The following EXD3 variants were observed in gnomAD, a reference collection of about 807,000 sequenced individuals.
The protein encoded by EXD3 is exonuclease mut-7 homolog.
A neutral mutation model predicts 98.0 loss-of-function variants in EXD3; 92 were observed. The ratio of observed to expected loss-of-function variants is 0.94; its 90% CI spans 0.79 to 1.12. The LOEUF (loss-of-function observed/expected upper bound fraction) is 1.12. Among genes scored for constraint, EXD3 ranks in the 50% most tolerant of loss-of-function variants. The pLI, the probability that EXD3 is intolerant of heterozygous loss-of-function variation, is 0.00. For missense variants in EXD3, 1,222 were observed against 1,191.6 expected, an observed-to-expected ratio of 1.03 and a Z score of -0.38; for synonymous variants, 569 against 526.0, an observed-to-expected ratio of 1.08 and a Z score of -1.12.
chr9:137,333,392 G>A (rs373589371), intron 17 of EXD3, among the ~76,000 whole-genome samples: 6 of 152,108 alleles, frequency 3.9e-5, no homozygotes, highest in Admixed American at 2.0e-4. Context: ...ACTTCCTTTC[G>A]TATGCACATC....
At chr9:137,336,384 T>C (rs1043256790) in intron 17 of EXD3, among the ~76,000 whole-genome samples, 3 of 152,134 alleles carry the variant, frequency 2.0e-5, no homozygotes, top group East Asian at 1.9e-4. Flanking sequence ...TTCTCGGCCA[T>C]GTGTGGTGGC....
chr9:137,408,743 T>C (rs556443076), intron 1 of EXD3, among the ~76,000 whole-genome samples: 10 of 151,848 alleles, frequency 6.6e-5, no homozygotes, highest in African/African-American at 1.9e-4. Context: ...AGTTCCAAGA[T>C]CCTCTTTAAA....
intron 10 of EXD3, 46 bp downstream of exon 10, chr9:137,354,291 AGC>A: frequency 6.2e-7 from 1 of 1,605,316 alleles, no homozygotes; most frequent in Non-Finnish European, 8.5e-7. Flanking sequence ...CCCCTAGGAC[AGC>A]CGCCCAGGCC....
At chr9:137,372,521 T>C (rs1019928998) in intron 5 of EXD3, among the ~76,000 whole-genome samples, 1 of 152,242 alleles carries the variant, frequency 6.6e-6, no homozygotes, top group African/African-American at 2.4e-5. Context: ...GCCTACTGGC[T>C]GATTCTGTGA....
chr9:137,314,459 G>C (rs1831532356), intron 19 of EXD3, among the ~76,000 whole-genome samples: 1 of 152,156 alleles, frequency 6.6e-6, no homozygotes, highest in Non-Finnish European at 1.5e-5. Context: ...GCCGTCTTTT[G>C]GGAAGCTTTT....
At position 137,349,813 on chromosome 9, in the gene EXD3, G is replaced by T. The variant is rs1453556588; in HGVS notation, c.1495-282C>A. ...CCCCTCACAGCCTCAGAGAGCCCGGGCCCTGAGTCTGTGTGGCCAGCTCTC... is the reference window on the plus strand; with the variant it reads ...CCCCTCACAGCCTCAGAGAGCCCGGTCCCTGAGTCTGTGTGGCCAGCTCTC... On this transcript the variant is annotated intron_variant, in intron 14 of 21. Coordinates refer to ENST00000340951, the MANE Select transcript of EXD3 (RefSeq NM_017820.5). This position sits in a 1 kb window ranked among gnomAD's most constrained non-coding sequence, Gnocchi z 7.4. Among the ~76,000 whole-genome samples, 2 of 152,162 alleles carry T rather than the reference G, an allele frequency of 1.3e-5. No individual in the cohort carries two copies. The highest frequency in any genetic ancestry group is 4.8e-5 in the African/African-American group (2 of 41,444).
chr9:137,402,150 G>A (rs1399523116), intron 1 of EXD3, among the ~76,000 whole-genome samples: 1 of 152,064 alleles, frequency 6.6e-6, no homozygotes, highest in Admixed American at 6.5e-5. Flanking sequence ...TGAGTAGCTG[G>A]GATTACAGGT....
At chr9:137,382,866 T>C (rs918392095) in intron 3 of EXD3, among the ~76,000 whole-genome samples, 3 of 152,124 alleles carry the variant, frequency 2.0e-5, no homozygotes, top group Non-Finnish European at 2.9e-5. Context: ...CCTCCCTCTG[T>C]AGCCTCTCCC....
In EXD3 at chr9:137,367,877, A is replaced by G. The variant is rs939821809; in HGVS notation, c.516+59T>C. On this transcript the variant is annotated intron_variant, in intron 6 of 21. Transcript: ENST00000340951. ...CCGACCTCCAACAAACACTGTTTAT[A>G]GAGACCTGGGCGTTATCCAAGTTTG... 4.6e-6 allele frequency: 7 copies of G among 1,525,898 alleles called. No individual in the cohort carries two copies. The Admixed American group carries it at 1.3e-4, about 27-fold the overall frequency. The allele number at this position is 1,525,898 out of a possible 1,614,324, so 94.5% of individuals were successfully genotyped here.
chr9:137,351,186 C>T (rs1176583717), intron 13 of EXD3, 39 bp from the exon 14 acceptor site: 1 of 1,546,408 alleles, frequency 6.5e-7, no homozygotes, highest in African/African-American at 1.4e-5. Flanking sequence ...CGCCTGCAGG[C>T]AGGGACCGCA....
In EXD3 at chr9:137,407,825, C is replaced by CGCGGGAG. The variant is rs143080547; in HGVS notation, c.-47-12428_-47-12422dup. ...TGCGCCGGCTGGACCCAAGGACACA[C>CGCGGGAG]GCGGGAGGCGGGAGGCGGGAGGGGC... On this transcript the variant is annotated intron_variant, in intron 1 of 21. Transcript: ENST00000340951. This position sits in a 1 kb window ranked among gnomAD's most constrained non-coding sequence, Gnocchi z 4.4. Among the ~76,000 whole-genome samples, 45,595 of 149,854 alleles carry CGCGGGAG rather than the reference C, an allele frequency of 0.3. 7,267 individuals are homozygous for CGCGGGAG. The highest frequency in any genetic ancestry group is 0.53 in the East Asian group (2,657 of 4,972).
At chr9:137,404,349 T>C (rs1460010265) in intron 1 of EXD3, among the ~76,000 whole-genome samples, 1 of 152,118 alleles carries the variant, frequency 6.6e-6, no homozygotes, top group Non-Finnish European at 1.5e-5. Context: ...CTCTGCACAC[T>C]ATTCCCTCCG....
chr9:137,367,023 G>A (rs1264435587), intron 6 of EXD3, among the ~76,000 whole-genome samples: 1 of 152,224 alleles, frequency 6.6e-6, no homozygotes, highest in Non-Finnish European at 1.5e-5. Flanking sequence ...ACACGCTGTC[G>A]GTGCCTCCAA....
At chr9:137,355,669 AAGG>A (rs146735718) in intron 8 of EXD3, among the ~76,000 whole-genome samples, 17 of 48,028 alleles carry the variant, frequency 3.5e-4, no homozygotes, top group East Asian at 9.9e-4. Context: ...AGGAAGGAGA[AAGG>A]GAGGATGGAG....
At chr9:137,419,237 A>G (rs973391197) in intron 1 of EXD3, among the ~76,000 whole-genome samples, 1 of 152,236 alleles carries the variant, frequency 6.6e-6, no homozygotes, top group Non-Finnish European at 1.5e-5. Flanking sequence ...ATATGTTATC[A>G]GTCGTGATTA....
chr9:137,355,499 A>AGGAGGAAGGAGAAAG (rs1834630247), intron 8 of EXD3, among the ~76,000 whole-genome samples: 12 of 27,760 alleles, frequency 4.3e-4, no homozygotes, highest in South Asian at 1.8e-3. Flanking sequence ...GGATGGAGGA[A>AGGAGGAAGGAGAAAG]GGAGGAAGGA....
chr9:137,402,822 A>G (rs1010721189), intron 1 of EXD3, among the ~76,000 whole-genome samples: 5 of 152,104 alleles, frequency 3.3e-5, no homozygotes, highest in Admixed American at 6.6e-5. Flanking sequence ...ACATTTCCAC[A>G]TGGCTGGGGA....
At chr9:137,312,883 TGTGCCCACCTGACCTGACCTG>T (rs1831441823) in intron 19 of EXD3, among the ~76,000 whole-genome samples, 2 of 152,094 alleles carry the variant, frequency 1.3e-5, no homozygotes, top group South Asian at 4.1e-4. Flanking sequence ...GCAGTGTCTG[TGTGCCCACCTGACCTGACCTG>T]GTGCCCACCT....
intron 10 of EXD3, chr9:137,353,186 G>A (rs1834404367): frequency 7.1e-6 from 7 of 983,660 alleles, no homozygotes; most frequent in South Asian, 4.7e-5. Context: ...TGGCCTCCAA[G>A]CCTCCACCAG....
Sources: allele counts gnomAD v4.1 joint callset (sites outside exome capture counted in the v4.1 genomes callset), GRCh38; gene constraint gnomAD v4.1.1; non-coding constraint Gnocchi (gnomAD v3.1); transcripts MANE v1.5; gene names NCBI Gene and HGNC (gene_info 2026-07-23, HGNC 2026-07-21).